Variants in DNAH6 observed in about 807,000 individuals in gnomAD.
The protein encoded by DNAH6 is dynein axonemal heavy chain 6.
In DNAH6, 340 loss-of-function variants were observed where a neutral mutation model predicts 491.4. The observed-to-expected ratio is 0.69, with a 90% CI of 0.63 to 0.76. DNAH6 has a LOEUF of 0.76. Ranked by LOEUF, DNAH6 falls within the 30% of genes least tolerant of loss-of-function variation. The pLI is 0.00. For synonymous variants in DNAH6, 1,603 were observed against 1,686.1 expected (o/e 0.95, Z 1.21); for missense variants, 4,443 against 4,972.2 (o/e 0.89, Z 3.20).
intron 29 of DNAH6, among the ~76,000 whole-genome samples, chr2:84,628,462 A>C (rs1386150830): frequency 1.3e-5 from 2 of 152,176 alleles, no homozygotes; most frequent in Admixed American, 1.3e-4. Flanking sequence ...GGTCAGATGC[A>C]CTACCTTTCC....
chr2:84,725,635 C>T (rs1383272904), intron 60 of DNAH6, among the ~76,000 whole-genome samples: 3 of 152,032 alleles, frequency 2.0e-5, no homozygotes, highest in Admixed American at 6.5e-5. Flanking sequence ...GTGAAAAGGC[C>T]CTAAAATATC....
intron 11 of DNAH6, among the ~76,000 whole-genome samples, chr2:84,564,163 T>C (rs1187599530): frequency 1.3e-5 from 2 of 152,210 alleles, no homozygotes; most frequent in African/African-American, 2.4e-5. Flanking sequence ...TTGGTTAGAA[T>C]TGCTTTGGCT....
upstream of DNAH6, among the ~76,000 whole-genome samples, chr2:84,515,902 C>G (rs1048205626): frequency 3.3e-5 from 5 of 152,140 alleles, no homozygotes; most frequent in African/African-American, 1.2e-4. Flanking sequence ...CATCCTATGC[C>G]TGACACCTAG....
intron 45 of DNAH6, among the ~76,000 whole-genome samples, chr2:84,692,061 A>AGG (rs1694912741): frequency 1.3e-5 from 2 of 152,246 alleles, no homozygotes; most frequent in Non-Finnish European, 2.9e-5. Flanking sequence ...TCCTGGAGGA[A>AGG]GACTTTTTAA....
chr2:84,460,784 C>T, the DNAH6 span, among the ~76,000 whole-genome samples: 14 of 152,198 alleles, frequency 9.2e-5, no homozygotes, highest in African/African-American at 3.4e-4. Flanking sequence ...CCAGGTCTCA[C>T]TAACGCAGGC....
chr2:84,685,705 C>T (rs1694196878), intron 43 of DNAH6, among the ~76,000 whole-genome samples: 1 of 152,164 alleles, frequency 6.6e-6, no homozygotes, highest in Admixed American at 6.5e-5. Flanking sequence ...AATCCCAGTA[C>T]TTTCGGTGGC....
intron 11 of DNAH6, among the ~76,000 whole-genome samples, chr2:84,570,128 T>C (rs1185662115): frequency 2.0e-5 from 3 of 152,058 alleles, no homozygotes; most frequent in Admixed American, 2.0e-4. Flanking sequence ...TGGGGTAGGA[T>C]AGTACAATAT....
chr2:84,731,874 T>C (rs1455195240), intron 61 of DNAH6, among the ~76,000 whole-genome samples: 2 of 152,154 alleles, frequency 1.3e-5, no homozygotes, highest in Non-Finnish European at 2.9e-5. Flanking sequence ...CAAATTTGAA[T>C]GTTTTAGTCT....
At chr2:84,642,703 AT>A (rs1470945411) in intron 33 of DNAH6, among the ~76,000 whole-genome samples, 4 of 151,910 alleles carry the variant, frequency 2.6e-5, no homozygotes, top group Non-Finnish European at 5.9e-5. Context: ...ACACTATACC[AT>A]TTCATGGGAA....
At chr2:84,809,429 C>T (rs948893611) in intron 72 of DNAH6, among the ~76,000 whole-genome samples, 12 of 152,036 alleles carry the variant, frequency 7.9e-5, no homozygotes, top group Non-Finnish European at 1.3e-4. Context: ...GTTGGTTAGG[C>T]GGGTCAGCTG....
rs766814545 is a variant in DNAH6 at position 84,577,243 on chromosome 2, A to AT, written c.1925-7dup. On this transcript the variant is annotated splice_polypyrimidine_tract_variant and intron_variant, in intron 12 of 76. Transcript: ENST00000389394. The stretch of plus-strand genomic sequence containing the variant: ...ATGGTATATTTTATGCTTTATGTGA[A>AT]TTTTTTTATGTAGATATTAACTTTT... 5 of 1,529,680 alleles carry AT rather than the reference A, an allele frequency of 3.3e-6. No homozygotes were observed. The highest frequency in any genetic ancestry group is 4.2e-5 in the Admixed American group (2 of 47,842). 94.8% of individuals were successfully genotyped at this position (1,529,680 alleles called of 1,614,324 possible). A position where few individuals can be genotyped will look rare whatever the true frequency, so the allele number is the denominator to read the frequency against.
At chr2:84,494,336 T>A in the DNAH6 span, among the ~76,000 whole-genome samples, 8 of 152,186 alleles carry the variant, frequency 5.3e-5, no homozygotes, top group East Asian at 1.5e-3. Context: ...ACGAAGACCA[T>A]GACTAATATC....
intron 68 of DNAH6, among the ~76,000 whole-genome samples, chr2:84,794,257 A>G (rs1443696553): frequency 2.0e-5 from 3 of 152,258 alleles, no homozygotes; most frequent in South Asian, 4.1e-4. Flanking sequence ...CATTCAGGAC[A>G]TAGGCATGGG....
chr2:84,691,250 A>C (rs1401416298), intron 45 of DNAH6, among the ~76,000 whole-genome samples: 1 of 152,204 alleles, frequency 6.6e-6, no homozygotes, highest in Non-Finnish European at 1.5e-5. Context: ...AGATAGAAAT[A>C]ATCAAACTGC....
At chr2:84,681,607 T>A in intron 42 of DNAH6, 79 bp downstream of exon 42, 12 of 1,320,100 alleles carry the variant, frequency 9.1e-6, no homozygotes, top group Non-Finnish European at 1.1e-5. Context: ...AGTAACATTG[T>A]ATGTATGCAG....
chr2:84,511,379 G>A, the DNAH6 span, among the ~76,000 whole-genome samples: 6 of 135,428 alleles, frequency 4.4e-5, no homozygotes, highest in South Asian at 2.1e-4. Context: ...AGCCATGCGC[G>A]GGATATAATC....
Position 84,733,412 on chromosome 2 carries a change from T to A in DNAH6, c.10207-32T>A, listed in dbSNP as rs1231066760. On this transcript the variant is annotated intron_variant, in intron 61 of 76. Coordinates refer to ENST00000389394, the MANE Select transcript of DNAH6 (RefSeq NM_001370.2). Reference sequence around the variant, plus strand: ...AAAGTATATTTTGTGATTGCCTTTGTGAATTATTATTCATTTTCTGTCTTC... The same window carrying A: ...AAAGTATATTTTGTGATTGCCTTTGAGAATTATTATTCATTTTCTGTCTTC... 3.2e-6 allele frequency: 5 copies of A among 1,541,916 alleles called. No individual in the cohort carries two copies. The South Asian group carries it at 4.8e-5, about 15-fold the overall frequency.
intron 35 of DNAH6, among the ~76,000 whole-genome samples, chr2:84,656,857 A>G (rs1691017315): frequency 6.6e-6 from 1 of 152,126 alleles, no homozygotes; most frequent in East Asian, 1.9e-4. Flanking sequence ...AATTCAACTT[A>G]CCAGTTTTTT....
chr2:84,724,878 T>C (rs761497129), intron 60 of DNAH6, among the ~76,000 whole-genome samples: 6 of 152,240 alleles, frequency 3.9e-5, no homozygotes, highest in Non-Finnish European at 7.3e-5. Context: ...TACAGTCTGT[T>C]GGTCAATCAA....
Sources: gnomAD v4.1 joint callset for allele counts (sites outside exome capture counted in the v4.1 genomes callset) on GRCh38, gnomAD v4.1.1 for gene constraint, MANE v1.5 for transcripts, NCBI Gene and HGNC (gene_info 2026-07-23, HGNC 2026-07-21) for gene names.